NTN1: variants seen among roughly 807,000 people sequenced by gnomAD.
NTN1 encodes the protein netrin-1.
A neutral mutation model predicts 54.2 loss-of-function variants in NTN1; 11 were observed. The ratio of observed to expected loss-of-function variants is 0.20; its 90% CI spans 0.13 to 0.34. The LOEUF (loss-of-function observed/expected upper bound fraction) is 0.34, where lower values mean the gene tolerates loss of function less well. Ranked by LOEUF, NTN1 falls within the 10% of genes least tolerant of loss-of-function variation. NTN1 has a pLI of 1.00. For missense variants in NTN1, 740 were observed against 893.1 expected, an observed-to-expected ratio of 0.83 and a Z score of 2.18; for synonymous variants, 371 against 382.0, an observed-to-expected ratio of 0.97 and a Z score of 0.33.
Position 9,023,008 on chromosome 17 carries a change from C to G in NTN1, c.635C>G (p.Pro212Arg). 6.2e-7 allele frequency: 1 copy of G among 1,605,812 alleles called. No individual in the cohort carries two copies. Among genetic ancestry groups the G allele is most frequent in the Non-Finnish European group, 8.5e-7 (1 of 1,177,332 alleles). The change falls in exon 2 of 7, where the codon CCG becomes CGG. Residue 212 changes from proline to arginine, a missense_variant. Physicochemically the swap from Pro to Arg is moderately radical, Grantham distance 103. Coordinates refer to ENST00000173229, the MANE Select transcript of NTN1 (RefSeq NM_004822.3). ...ACCGACTCGCACACCGACATGCGCC[C>G]GCTCTCGGGCGGCCTCATCGCCTTC... is the stretch of plus-strand genomic sequence containing the variant. ...VCTDSHTDMR[P>R]LSGGLIAFST... is the part of the protein sequence containing the mutation.
intron 2 of NTN1, among the ~76,000 whole-genome samples, chr17:9,132,937 A>G (rs2092270238): frequency 6.6e-6 from 1 of 152,140 alleles, no homozygotes; most frequent in African/African-American, 2.4e-5. Context: ...CTGAGGGTCA[A>G]AATGAGCTGA....
At chr17:9,056,209 A>G (rs951564941) in intron 2 of NTN1, among the ~76,000 whole-genome samples, 2 of 152,194 alleles carry the variant, frequency 1.3e-5, no homozygotes, top group African/African-American at 4.8e-5. Flanking sequence ...GGCATGTGCC[A>G]CCACACCTGG....
In NTN1 at chr17:9,073,713, T is replaced by TG. The variant is rs547338998; in HGVS notation, c.1018+50325dup. ...AAGGTCAGTTTTTGAAGAGAGAATA[T>TG]GGGAATTGCACCTGTTGATCCAGGT... On this transcript the variant is annotated intron_variant, in intron 2 of 6. Coordinates refer to ENST00000173229, the MANE Select transcript of NTN1 (RefSeq NM_004822.3). Among the ~76,000 whole-genome samples, 455 of 152,326 alleles carry TG rather than the reference T, an allele frequency of 3.0e-3. 1 individual carries two copies. The highest frequency in any genetic ancestry group is 0.01 in the Middle Eastern group (3 of 294).
At chr17:9,204,306 C>T (rs1206507985) in intron 5 of NTN1, among the ~76,000 whole-genome samples, 4 of 123,854 alleles carry the variant, frequency 3.2e-5, no homozygotes, top group Admixed American at 7.6e-5. Context: ...CTCTCTCTCT[C>T]TCTTTCTTTC....
In NTN1 at chr17:9,060,845, G is replaced by A. The variant is rs138474838; in HGVS notation, c.1018+37454G>A. On this transcript the variant is annotated intron_variant, in intron 2 of 6. Coordinates refer to ENST00000173229, the MANE Select transcript of NTN1 (RefSeq NM_004822.3). ...ACAAAAATTAACTGGGCATGGTGGC[G>A]CGTGCCTGTAGTCCAAGCTACTCGG... 2.6e-4 allele frequency among the ~76,000 whole-genome samples: 40 copies of A among 151,942 alleles called. No homozygotes were observed. In the East Asian group the frequency reaches 4.5e-3, roughly 17 times the overall value.
intron 2 of NTN1, among the ~76,000 whole-genome samples, chr17:9,073,433 T>A (rs1387147275): frequency 6.6e-6 from 1 of 152,200 alleles, no homozygotes; most frequent in Non-Finnish European, 1.5e-5. Context: ...CAGGGCAACT[T>A]TGCCACCAGA....
intron 2 of NTN1, among the ~76,000 whole-genome samples, chr17:9,095,963 T>A (rs1301841761): frequency 6.6e-6 from 1 of 151,460 alleles, no homozygotes; most frequent in Non-Finnish European, 1.5e-5. Flanking sequence ...CCACACCTGA[T>A]TTTTGTATTT....
chr17:9,179,906 G>A lies in NTN1; in HGVS notation c.1307G>A (p.Arg436His), dbSNP rs2092413429. 4 of 1,613,980 alleles carry A rather than the reference G, an allele frequency of 2.5e-6. No individual in the cohort carries two copies. Among genetic ancestry groups the A allele is most frequent in the Non-Finnish European group, 2.5e-6 (3 of 1,179,992 alleles). The change falls in exon 4 of 7, where the codon CGC becomes CAC. Residue 436 changes from arginine (R) to histidine (H), a missense_variant. By Grantham distance (29) the Arg-to-His change is conservative. Coordinates refer to ENST00000173229, the MANE Select transcript of NTN1 (RefSeq NM_004822.3). ...KDGVTGITCN[R>H]CAKGYQQSRS... ...GGCGTGACGGGTATCACCTGCAACC[G>A]CTGCGCCAAAGGCTACCAGCAGAGC...
At chr17:9,228,871 T>TGTGTGA (rs1337680235) in intron 6 of NTN1, among the ~76,000 whole-genome samples, 3 of 7,222 alleles carry the variant, frequency 4.2e-4, no homozygotes, top group African/African-American at 2.4e-3. Flanking sequence ...TGAGAGTGTG[T>TGTGTGA]CTGTGTGTGA....
chr17:9,206,444 C>G (rs1438370187), intron 5 of NTN1, among the ~76,000 whole-genome samples: 1 of 152,182 alleles, frequency 6.6e-6, no homozygotes, highest in Non-Finnish European at 1.5e-5. Context: ...GGCCACCCCA[C>G]CCCTGAGCCA....
intron 2 of NTN1, among the ~76,000 whole-genome samples, chr17:9,158,383 C>A (rs767494488): frequency 1.3e-5 from 2 of 152,114 alleles, no homozygotes; most frequent in African/African-American, 2.4e-5. Context: ...ACATTTGCCT[C>A]CAAGAAGGAC....
intron 2 of NTN1, among the ~76,000 whole-genome samples, chr17:9,074,683 C>G (rs1597478440): frequency 6.6e-6 from 1 of 152,306 alleles, no homozygotes; most frequent in East Asian, 1.9e-4. Flanking sequence ...AGTCTTGTTA[C>G]TTTACGGCCT....
rs1318777089 is a variant in NTN1, at chr17:9,231,363, C to T, written c.1487-8277C>T. 4.6e-5 allele frequency among the ~76,000 whole-genome samples: 7 copies of T among 152,242 alleles called. 1 individual carries two copies. In the East Asian group the frequency reaches 5.8e-4, roughly 13 times the overall value. The stretch of plus-strand genomic sequence containing the variant: ...GGGGGCATCTTTGCAAGCCCTGACC[C>T]CTGAGTCAGTTCATCCGGCAGCGCT... On this transcript the variant is annotated intron_variant, in intron 6 of 6. Transcript: ENST00000173229.
In NTN1 at chr17:9,068,816, T is replaced by A. The variant is rs188663603; in HGVS notation, c.1018+45425T>A. Reference sequence around the variant, plus strand: ...AGCCACCGCGCCTGGCCCGATTTTTTAAAAAATAGGCCTTTTCTTAAGTTA... The same window carrying A: ...AGCCACCGCGCCTGGCCCGATTTTTAAAAAAATAGGCCTTTTCTTAAGTTA... On this transcript the variant is annotated intron_variant, in intron 2 of 6. Transcript: ENST00000173229. 4.2e-3 allele frequency among the ~76,000 whole-genome samples: 639 copies of A among 152,184 alleles called. 1 individual carries two copies. Among genetic ancestry groups the A allele is most frequent in the Non-Finnish European group, 7.6e-3 (515 of 67,982 alleles).
intron 2 of NTN1, among the ~76,000 whole-genome samples, chr17:9,128,122 A>G (rs1056681006): frequency 7.0e-6 from 1 of 143,322 alleles, no homozygotes; most frequent in Non-Finnish European, 1.5e-5. Flanking sequence ...GTCTCGAAAA[A>G]TAAATAAATA....
intron 2 of NTN1, among the ~76,000 whole-genome samples, chr17:9,088,995 G>T (rs1296358017): frequency 6.6e-6 from 1 of 152,146 alleles, no homozygotes; most frequent in East Asian, 1.9e-4. Flanking sequence ...CTGGGTGTCC[G>T]CCATCGGAGT....
intron 2 of NTN1, among the ~76,000 whole-genome samples, chr17:9,106,449 TTTCCTTCCTTCCTTCCTCCC>T (rs1158770998): frequency 0.034 from 5,005 of 149,402 alleles, 173 homozygotes; most frequent in Non-Finnish European, 0.046. Context: ...CAAAATGGCA[TTTCCTTCCTTCCTTCCTCCC>T]TTCCTTCCTT....
At chr17:9,007,032 G>A in the NTN1 span, among the ~76,000 whole-genome samples, 5 of 152,250 alleles carry the variant, frequency 3.3e-5, no homozygotes, top group African/African-American at 1.2e-4. Context: ...CTGACAGTAA[G>A]TGCTCAAGAA....
chr17:9,084,867 G>T (rs1212675164), intron 2 of NTN1, among the ~76,000 whole-genome samples: 1 of 151,902 alleles, frequency 6.6e-6, no homozygotes, highest in Non-Finnish European at 1.5e-5. Flanking sequence ...TAGCCAGGAT[G>T]GTCTCGATCT....
Sources: gnomAD v4.1 joint callset for allele counts (sites outside exome capture counted in the v4.1 genomes callset) on GRCh38, gnomAD v4.1.1 for gene constraint, MANE v1.5 for transcripts, NCBI Gene and HGNC (gene_info 2026-07-23, HGNC 2026-07-21) for gene names.